The following CYP4X1 variants were observed in gnomAD, a reference collection of about 807,000 sequenced individuals.
The protein encoded by CYP4X1 is cytochrome P450 family 4 subfamily X member 1, also known as cytochrome P450 4X1.
Under a neutral mutation model 57.9 loss-of-function variants are expected in CYP4X1, and 44 were observed. That is an observed-to-expected ratio of 0.76 (90% confidence interval 0.60 to 0.98). The LOEUF is 0.98. CYP4X1 is among the 50% of genes least tolerant of loss of function. The pLI, the probability that CYP4X1 is intolerant of heterozygous loss-of-function variation, is 0.00. For missense variants in CYP4X1, 532 were observed against 623.9 expected (o/e 0.85, Z 1.57); for synonymous variants, 227 against 228.6 (o/e 0.99, Z 0.06).
intron 6 of CYP4X1, among the ~76,000 whole-genome samples, chr1:47,037,314 C>T (rs1442790100): frequency 2.9e-5 from 4 of 136,098 alleles, no homozygotes; most frequent in Non-Finnish European, 6.1e-5. Flanking sequence ...CTCTATCACT[C>T]AGGCTGGAGC....
intron 5 of CYP4X1, 35 bp downstream of exon 5, chr1:47,035,968 AC>A: frequency 3.1e-6 from 5 of 1,611,676 alleles, no homozygotes; most frequent in Non-Finnish European, 4.2e-6. Flanking sequence ...ATATTTCTTC[AC>A]ATTTTCTAAG....
chr1:46,963,107 T>C, the CYP4X1 span, among the ~76,000 whole-genome samples: 1 of 152,222 alleles, frequency 6.6e-6, no homozygotes, highest in Non-Finnish European at 1.5e-5. Flanking sequence ...ATTTGTTTGG[T>C]AGATCTTCCT....
the CYP4X1 span, chr1:46,967,910 C>T: frequency 1.7e-6 from 1 of 581,078 alleles, no homozygotes; most frequent in Non-Finnish European, 2.7e-6. Context: ...GGCCTCAGTC[C>T]CCATTATGAG....
chr1:47,030,192 A>G (rs1163146622), intron 2 of CYP4X1, 61 bp downstream of exon 2: 2 of 1,542,740 alleles, frequency 1.3e-6, no homozygotes, highest in Non-Finnish European at 1.8e-6. Context: ...CATAAAACCC[A>G]TAGGCAAGAT....
chr1:47,040,979 G>A (rs1017377836), intron 8 of CYP4X1, among the ~76,000 whole-genome samples: 2 of 151,934 alleles, frequency 1.3e-5, no homozygotes, highest in Non-Finnish European at 2.9e-5. Context: ...GGTAACCACT[G>A]TTCTACTCTC....
At chr1:47,018,214 G>A in the CYP4X1 span, among the ~76,000 whole-genome samples, 1 of 152,158 alleles carries the variant, frequency 6.6e-6, no homozygotes, top group African/African-American at 2.4e-5. Context: ...ACTGGTTACA[G>A]GGAGAAGGCC....
intron 3 of CYP4X1, among the ~76,000 whole-genome samples, chr1:47,032,056 C>T (rs1644130685): frequency 6.8e-6 from 1 of 147,892 alleles, no homozygotes; most frequent in Non-Finnish European, 1.5e-5. Flanking sequence ...CCCCCAACAA[C>T]AAAAAAAAAA....
In CYP4X1 at chr1:47,039,374, T is replaced by C. The variant is rs1236068603; in HGVS notation, c.915T>C (p.Asp305=). 6.2e-7 allele frequency: 1 copy of C among 1,609,892 alleles called. No homozygotes were observed. The highest frequency in any genetic ancestry group is 8.5e-7 in the Non-Finnish European group (1 of 1,178,398). Residue 305 remains aspartate, a synonymous_variant, in exon 8 of 12, where the codon GAT becomes GAC. Transcript: ENST00000371901. ...DESGSSFSDI[D]VHSEVSTFLL... ...GTGGTAGCAGCTTCTCAGATATTGA[T>C]GTACACTCTGAAGTGAGCACATTCC...
At chr1:46,968,065 G>T in the CYP4X1 span, among the ~76,000 whole-genome samples, 1 of 152,186 alleles carries the variant, frequency 6.6e-6, no homozygotes, top group African/African-American at 2.4e-5. Flanking sequence ...GTAGAGGGAT[G>T]CCCAGGGACT....
chr1:47,032,315 T>G (rs1397539028), intron 3 of CYP4X1, among the ~76,000 whole-genome samples: 1 of 152,192 alleles, frequency 6.6e-6, no homozygotes, highest in African/African-American at 2.4e-5. Flanking sequence ...CCACTTAAAT[T>G]TGAATCTTGC....
At chr1:46,982,536 C>G in the CYP4X1 span, among the ~76,000 whole-genome samples, 1 of 152,116 alleles carries the variant, frequency 6.6e-6, no homozygotes, top group African/African-American at 2.4e-5. Flanking sequence ...AGTCAATTGG[C>G]TTTGTTTCTG....
the CYP4X1 span, among the ~76,000 whole-genome samples, chr1:46,998,764 A>G: frequency 1.2e-5 from 1 of 80,998 alleles, no homozygotes; most frequent in Non-Finnish European, 2.7e-5. Context: ...GGTGAGAAGT[A>G]GGAGTCCAGT....
the CYP4X1 span, among the ~76,000 whole-genome samples, chr1:46,987,980 G>A: frequency 1.3e-5 from 2 of 152,062 alleles, no homozygotes; most frequent in Non-Finnish European, 2.9e-5. Flanking sequence ...AAGAACTAGA[G>A]AAGCAAGAGC....
At chr1:47,033,490 C>A in intron 4 of CYP4X1, 122 bp downstream of exon 4, 1 of 1,282,098 alleles carries the variant, frequency 7.8e-7, no homozygotes, top group Non-Finnish European at 1.1e-6. Flanking sequence ...AACCAATGTA[C>A]ACGTACTTAT....
chr1:46,979,209 C>G, the CYP4X1 span, among the ~76,000 whole-genome samples: 1 of 151,998 alleles, frequency 6.6e-6, no homozygotes, highest in Admixed American at 6.6e-5. Context: ...AAAAGATCAA[C>G]AAAATTGATA....
At chr1:46,990,772 C>T in the CYP4X1 span, among the ~76,000 whole-genome samples, 7 of 152,116 alleles carry the variant, frequency 4.6e-5, no homozygotes, top group African/African-American at 1.4e-4. Flanking sequence ...AAGCTGGAAA[C>T]CATCTTCCTC....
At chr1:47,008,126 T>G in the CYP4X1 span, among the ~76,000 whole-genome samples, 1 of 152,146 alleles carries the variant, frequency 6.6e-6, no homozygotes, top group Non-Finnish European at 1.5e-5. Context: ...AATTGTCAGA[T>G]TCACCAAAGT....
rs76708044 is a variant in CYP4X1 at position 47,049,656 on chromosome 1, G to C, written c.1355+152G>C. 1,180 of 756,032 alleles carry C rather than the reference G, an allele frequency of 1.6e-3. 6 individuals carry two copies. Among genetic ancestry groups the C allele is most frequent in the Non-Finnish European group, 1.9e-3 (887 of 459,478 alleles). 46.8% of individuals were successfully genotyped at this position (756,032 alleles called of 1,614,324 possible). On this transcript the variant is annotated intron_variant, in intron 11 of 11. Coordinates refer to ENST00000371901, the MANE Select transcript of CYP4X1 (RefSeq NM_178033.2). ...CAAAGGATCAGTTAGTTTTACAAAG[G>C]ACAATCGTATTCTCTGTCACATCCT...
rs542784855 is a variant in CYP4X1 at position 47,027,011 on chromosome 1, G to A, written c.178-2979G>A. On this transcript the variant is annotated intron_variant, in intron 1 of 11. Transcript: ENST00000371901. ...ATTACAGGCGTGAGCCACCACTCCC[G>A]GCTTTCTTTAATTTTTTTTAACGAT... 5.3e-5 allele frequency among the ~76,000 whole-genome samples: 8 copies of A among 152,154 alleles called. No individual in the cohort carries two copies. The South Asian group carries it at 8.3e-4, about 16-fold the overall frequency.
Sources: allele counts gnomAD v4.1 joint callset (sites outside exome capture counted in the v4.1 genomes callset), GRCh38; gene constraint gnomAD v4.1.1; transcripts MANE v1.5; gene names NCBI Gene and HGNC (gene_info 2026-07-23, HGNC 2026-07-21).